Variants in BNC2 observed in about 807,000 individuals in gnomAD.
BNC2 encodes basonuclin zinc finger protein 2, also known as zinc finger protein basonuclin-2.
Under a neutral mutation model 76.3 loss-of-function variants are expected in BNC2, and 20 were observed. The ratio of observed to expected loss-of-function variants is 0.26; its 90% CI spans 0.18 to 0.38. The LOEUF (loss-of-function observed/expected upper bound fraction) is 0.38, where lower values mean the gene tolerates loss of function less well. Ranked by LOEUF, BNC2 falls within the 10% of genes least tolerant of loss-of-function variation. The pLI is 1.00. For synonymous variants in BNC2, 582 were observed against 514.8 expected, an observed-to-expected ratio of 1.13 and a Z score of -1.77; for missense variants, 1,382 against 1,399.8, an observed-to-expected ratio of 0.99 and a Z score of 0.20.
chr9:16,659,440 T>G (rs1423839858), intron 3 of BNC2, among the ~76,000 whole-genome samples: 1 of 151,898 alleles, frequency 6.6e-6, no homozygotes, highest in African/African-American at 2.4e-5. Flanking sequence ...AAACCCCATC[T>G]CTACTAAAAA....
chr9:16,744,381 C>A (rs777406014), intron 1 of BNC2, among the ~76,000 whole-genome samples: 4 of 152,190 alleles, frequency 2.6e-5, no homozygotes, highest in Admixed American at 6.5e-5. Context: ...AAAGACCTCC[C>A]AAATCCTACA....
In BNC2 at chr9:16,418,007, T is replaced by C. The variant is rs1820620842; in HGVS notation, c.*982A>G. 6.5e-6 allele frequency: 1 copy of C among 152,702 alleles called. No individual in the cohort carries two copies. Among genetic ancestry groups the C allele is most frequent in the Non-Finnish European group, 1.5e-5 (1 of 68,052 alleles). The allele number at this position is 152,702 out of a possible 1,614,324, so 9.5% of individuals were successfully genotyped here. A position where few individuals can be genotyped will look rare whatever the true frequency, so the allele number is the denominator to read the frequency against. Reference sequence around the variant, plus strand: ...AACTTGTGCAAAGTTGGCAGTTTTGTGTTAACACTAATACTTTGTTTGGCA... The same window carrying C: ...AACTTGTGCAAAGTTGGCAGTTTTGCGTTAACACTAATACTTTGTTTGGCA... On this transcript the variant is annotated 3_prime_UTR_variant, in exon 7 of 7. Transcript: ENST00000380672.
At chr9:16,719,954 A>G (rs546542249) in intron 3 of BNC2, among the ~76,000 whole-genome samples, 29 of 152,344 alleles carry the variant, frequency 1.9e-4, no homozygotes, top group African/African-American at 7.0e-4. Flanking sequence ...GCACAAAATA[A>G]TAAGTCCAAG....
intron 2 of BNC2, 112 bp from the exon 3 acceptor site, chr9:16,728,109 G>T: frequency 3.0e-6 from 2 of 674,878 alleles, no homozygotes; most frequent in East Asian, 7.8e-5. Flanking sequence ...GGAGATTTGG[G>T]GGAGGGAGGG....
At chr9:16,752,573 C>T (rs2135294043) in intron 1 of BNC2, among the ~76,000 whole-genome samples, 1 of 152,266 alleles carries the variant, frequency 6.6e-6, no homozygotes, top group African/African-American at 2.4e-5. Context: ...TTACAAATTA[C>T]TTGGCAATCA....
chr9:16,616,369 G>C (rs755363640), intron 3 of BNC2, among the ~76,000 whole-genome samples: 8 of 151,442 alleles, frequency 5.3e-5, no homozygotes, highest in Admixed American at 2.0e-4. Context: ...TCCAGCCTGG[G>C]TGACGGAGAG....
At chr9:16,476,742 T>C (rs1821936693) in intron 5 of BNC2, among the ~76,000 whole-genome samples, 1 of 152,086 alleles carries the variant, frequency 6.6e-6, no homozygotes, top group African/African-American at 2.4e-5. Context: ...GAATGCTGAG[T>C]TAATCTACTG....
At chr9:16,573,235 AAAC>A (rs201912598) in intron 4 of BNC2, among the ~76,000 whole-genome samples, 8,838 of 149,020 alleles carry the variant, frequency 0.059, 755 homozygotes, top group African/African-American at 0.19. Context: ...AAAAAAAAAA[AAAC>A]AGAAAAAGAA....
chr9:16,797,152 T>C (rs1483301918), intron 1 of BNC2, among the ~76,000 whole-genome samples: 1 of 151,622 alleles, frequency 6.6e-6, no homozygotes, highest in Non-Finnish European at 1.5e-5. Context: ...TAATATAGAT[T>C]TTTTTTTACT....
At position 16,727,960 on chromosome 9, in the gene BNC2, GTCTC is replaced by G. The variant is rs776320559; in HGVS notation, c.163_166del (p.Glu55HisfsTer13). On this transcript the variant is annotated frameshift_variant, in exon 3 of 7. Transcript: ENST00000380672. LOFTEE classifies it high-confidence loss of function. ...CCTCTTTGGCTCTCTGTCTCTCTGT[GTCTC>G]TCTTTCTCTCACATCCACTTCTGCC... is the stretch of plus-strand genomic sequence containing the variant. 6.2e-7 allele frequency: 1 copy of G among 1,613,988 alleles called. No homozygotes were observed. Among genetic ancestry groups the G allele is most frequent in the Non-Finnish European group, 8.5e-7 (1 of 1,179,996 alleles).
chr9:16,801,307 C>T lies in BNC2; in HGVS notation c.4-62822G>A, dbSNP rs140620516. 3.1e-3 allele frequency among the ~76,000 whole-genome samples: 467 copies of T among 152,176 alleles called. 7 individuals are homozygous for T. Among genetic ancestry groups the T allele is most frequent in the Non-Finnish European group, 2.3e-3 (154 of 68,012 alleles). The stretch of plus-strand genomic sequence containing the variant: ...TGTCACCCAGGCTGGAGTACAGTGG[C>T]GTGATATTGCTCACTGCAACCTCTG... On this transcript the variant is annotated intron_variant, in intron 1 of 6. Coordinates refer to ENST00000380672, the MANE Select transcript of BNC2 (RefSeq NM_017637.6).
intron 1 of BNC2, among the ~76,000 whole-genome samples, chr9:16,776,859 C>T (rs1430009318): frequency 2.0e-5 from 3 of 152,092 alleles, no homozygotes; most frequent in African/African-American, 4.8e-5. Context: ...GGCGTGGTGG[C>T]TCACATCTGT....
intron 1 of BNC2, among the ~76,000 whole-genome samples, chr9:16,848,474 T>C (rs1008563380): frequency 1.3e-5 from 2 of 152,082 alleles, no homozygotes; most frequent in African/African-American, 4.8e-5. Context: ...TACATGACAA[T>C]GAATTATGAA....
chr9:16,848,599 C>T (rs1170008275), intron 1 of BNC2, among the ~76,000 whole-genome samples: 1 of 152,138 alleles, frequency 6.6e-6, no homozygotes, highest in Non-Finnish European at 1.5e-5. Flanking sequence ...CACCTGAAAA[C>T]AAGGCCTGCT....
intron 1 of BNC2, among the ~76,000 whole-genome samples, chr9:16,766,124 A>G (rs1009260937): frequency 1.3e-5 from 2 of 152,204 alleles, no homozygotes; most frequent in African/African-American, 4.8e-5. Context: ...AGGTCTCCAT[A>G]TTAGCAGAGA....
intron 5 of BNC2, among the ~76,000 whole-genome samples, chr9:16,523,484 AAAAC>A (rs1408242100): frequency 3.0e-5 from 4 of 132,496 alleles, no homozygotes; most frequent in African/African-American, 1.4e-4. Context: ...ACAAAAAAAA[AAAAC>A]AAAACAAAAA....
At chr9:16,434,486 G>A (rs1380424999) in intron 6 of BNC2, among the ~76,000 whole-genome samples, 3 of 152,090 alleles carry the variant, frequency 2.0e-5, no homozygotes, top group Non-Finnish European at 4.4e-5. Context: ...ATTTTTAGAA[G>A]ACAATGTAGA....
At chr9:16,762,327 C>G (rs563446294) in intron 1 of BNC2, among the ~76,000 whole-genome samples, 1 of 152,306 alleles carries the variant, frequency 6.6e-6, no homozygotes, top group Admixed American at 6.5e-5. Flanking sequence ...CCTTTGAACA[C>G]TATCCAAAGA....
In BNC2 at chr9:16,417,581, A is replaced by AT. The variant is rs1451814979; in HGVS notation, c.*1407dup. On this transcript the variant is annotated 3_prime_UTR_variant, in exon 7 of 7. Coordinates refer to ENST00000380672, the MANE Select transcript of BNC2 (RefSeq NM_017637.6). ...GATTTTGTCTACCAAACAGGCCTGA[A>AT]TTATAGTACGACTGCAGAATTTGCA... The AT allele has an allele frequency of 2.0e-5, 3 of 152,354 alleles. No homozygotes were observed. Among genetic ancestry groups the AT allele is most frequent in the Non-Finnish European group, 4.4e-5 (3 of 68,056 alleles). The allele number at this position is 152,354 out of a possible 1,614,324, so 9.4% of individuals were successfully genotyped here.
Sources: gnomAD v4.1 joint callset for allele counts (sites outside exome capture counted in the v4.1 genomes callset) on GRCh38, gnomAD v4.1.1 for gene constraint, MANE v1.5 for transcripts, NCBI Gene and HGNC (gene_info 2026-07-23, HGNC 2026-07-21) for gene names.